The following PPM1H variants were observed in gnomAD, a reference collection of about 807,000 sequenced individuals.
PPM1H encodes protein phosphatase 1H.
Under a neutral mutation model 54.9 loss-of-function variants are expected in PPM1H, and 27 were observed. That is an observed-to-expected ratio of 0.49 (90% CI 0.36 to 0.68). The LOEUF (loss-of-function observed/expected upper bound fraction) is 0.68, where lower values mean the gene tolerates loss of function less well. Among genes scored for constraint, PPM1H ranks in the 30% least tolerant of loss-of-function variants. The pLI, the probability that PPM1H is intolerant of heterozygous loss-of-function variation, is 0.00. For synonymous variants in PPM1H, 305 were observed against 270.8 expected, an observed-to-expected ratio of 1.13 and a Z score of -1.24; for missense variants, 596 against 667.8, an observed-to-expected ratio of 0.89 and a Z score of 1.19.
chr12:62,720,006 C>T (rs1339885726), intron 6 of PPM1H, among the ~76,000 whole-genome samples, 165 bp downstream of exon 6: 1 of 152,190 alleles, frequency 6.6e-6, no homozygotes, highest in African/African-American at 2.4e-5. Flanking sequence ...GTGATTTGGT[C>T]CTAAGCAAAC....
intron 3 of PPM1H, among the ~76,000 whole-genome samples, chr12:62,791,242 C>T (rs959481525): frequency 6.6e-6 from 1 of 152,056 alleles, no homozygotes; most frequent in Non-Finnish European, 1.5e-5. Context: ...GAATGGTTAT[C>T]AGAACCTACA....
rs535327064 is a variant in PPM1H at position 62,856,424 on chromosome 12, C to T, written c.246-24145G>A. ...TCACTATCTTTTGTTGCCTGATGCC[C>T]AGTGTCCCACAAACCATTGTTTCAT... On this transcript the variant is annotated intron_variant, in intron 1 of 9. Coordinates refer to ENST00000228705, the MANE Select transcript of PPM1H (RefSeq NM_020700.2). Among the ~76,000 whole-genome samples the T allele has an allele frequency of 1.5e-4, 23 of 152,282 alleles. No individual in the cohort carries two copies. In the Middle Eastern group the frequency reaches 0.017, roughly 113 times the overall value.
chr12:62,896,778 C>T (rs187808523), intron 1 of PPM1H, among the ~76,000 whole-genome samples: 133 of 152,270 alleles, frequency 8.7e-4, no homozygotes, highest in Middle Eastern at 3.4e-3. Flanking sequence ...ATAAATCATG[C>T]TGCTATAAAG....
At chr12:62,910,722 C>T (rs1235960770) in intron 1 of PPM1H, among the ~76,000 whole-genome samples, 1 of 152,150 alleles carries the variant, frequency 6.6e-6, no homozygotes, top group Non-Finnish European at 1.5e-5. Flanking sequence ...AAAACGGTCA[C>T]CACCTCCTGC....
At chr12:62,704,180 T>G (rs2076160409) in intron 6 of PPM1H, among the ~76,000 whole-genome samples, 1 of 152,086 alleles carries the variant, frequency 6.6e-6, no homozygotes, top group Non-Finnish European at 1.5e-5. Flanking sequence ...GGAGAGTGAA[T>G]CTGAGGCATG....
chr12:62,686,046 C>T (rs1334238012), intron 8 of PPM1H, among the ~76,000 whole-genome samples: 1 of 152,210 alleles, frequency 6.6e-6, no homozygotes, highest in Non-Finnish European at 1.5e-5. Context: ...CAGTTTCATT[C>T]TAAATCCTCT....
chr12:62,910,562 T>C (rs1035515237), intron 1 of PPM1H, among the ~76,000 whole-genome samples: 1 of 152,242 alleles, frequency 6.6e-6, no homozygotes, highest in Non-Finnish European at 1.5e-5. Flanking sequence ...AGAAATCTGA[T>C]GCCTGTGATG....
chr12:62,920,355 C>T (rs1399850051), intron 1 of PPM1H, among the ~76,000 whole-genome samples: 3 of 152,232 alleles, frequency 2.0e-5, no homozygotes, highest in Admixed American at 6.5e-5. Flanking sequence ...GAGACAGGGT[C>T]TCACTCTGTC....
intron 4 of PPM1H, among the ~76,000 whole-genome samples, chr12:62,739,018 T>G (rs2076366613): frequency 2.0e-5 from 3 of 150,508 alleles, no homozygotes; most frequent in Non-Finnish European, 4.4e-5. Flanking sequence ...GGGCAGCGCA[T>G]CCAGGAAGGG....
chr12:62,680,325 CTCTT>C (rs897922547), intron 8 of PPM1H, among the ~76,000 whole-genome samples: 6 of 146,502 alleles, frequency 4.1e-5, no homozygotes, highest in Non-Finnish European at 4.5e-5. Context: ...TTCTCTCTCT[CTCTT>C]TCTTTCTGTT....
In PPM1H at chr12:62,744,276, G is replaced by C. The variant is rs556463693; in HGVS notation, c.870-6690C>G. Among the ~76,000 whole-genome samples, 586 of 151,936 alleles carry C rather than the reference G, an allele frequency of 3.9e-3. 3 individuals carry two copies. The highest frequency in any genetic ancestry group is 6.0e-3 in the Non-Finnish European group (410 of 67,968). ...ACTTGAGGTCAGGAGTTCAAGACCAGCCTGGCCAACATGGTGAAAACCTGT... is the reference window on the plus strand; with the variant it reads ...ACTTGAGGTCAGGAGTTCAAGACCACCCTGGCCAACATGGTGAAAACCTGT... On this transcript the variant is annotated intron_variant, in intron 4 of 9. Transcript: ENST00000228705.
intron 6 of PPM1H, among the ~76,000 whole-genome samples, chr12:62,710,188 C>T (rs1272136481): frequency 6.6e-6 from 1 of 152,164 alleles, no homozygotes; most frequent in Non-Finnish European, 1.5e-5. Context: ...GGGCTTGACC[C>T]TCCCAGCTTC....
At chr12:62,664,222 T>C (rs1035313544) in intron 9 of PPM1H, among the ~76,000 whole-genome samples, 3 of 152,190 alleles carry the variant, frequency 2.0e-5, no homozygotes, top group African/African-American at 7.2e-5. Flanking sequence ...AGAGGGATAA[T>C]AGTCATTTCT....
At chr12:62,666,538 C>T (rs2075918210) in intron 9 of PPM1H, among the ~76,000 whole-genome samples, 1 of 152,142 alleles carries the variant, frequency 6.6e-6, no homozygotes, top group Non-Finnish European at 1.5e-5. Flanking sequence ...GGTGCATTTG[C>T]CATCACTCTC....
intron 8 of PPM1H, among the ~76,000 whole-genome samples, chr12:62,686,804 G>C (rs2076054890): frequency 6.6e-6 from 1 of 152,176 alleles, no homozygotes; most frequent in African/African-American, 2.4e-5. Context: ...ATTTACTAGA[G>C]TTTTCTCTTT....
chr12:62,860,839 A>C (rs969316591), intron 1 of PPM1H, among the ~76,000 whole-genome samples: 5 of 152,218 alleles, frequency 3.3e-5, no homozygotes, highest in Non-Finnish European at 7.3e-5. Flanking sequence ...CCACAGAAAC[A>C]ATGGGGTTGT....
intron 9 of PPM1H, among the ~76,000 whole-genome samples, chr12:62,656,232 C>T (rs571337118): frequency 2.6e-5 from 4 of 152,264 alleles, no homozygotes; most frequent in Non-Finnish European, 1.5e-5. Flanking sequence ...CCTGGCTTTC[C>T]CACCATCCAG....
rs141289832 is a variant in PPM1H at position 62,926,317 on chromosome 12, T to G, written c.245+8175A>C. ...GTTCTATAAGACAGTTGGTATCTAA[T>G]CACCATTTCCTTCCCCCCACCACCC... On this transcript the variant is annotated intron_variant, in intron 1 of 9. Coordinates refer to ENST00000228705, the MANE Select transcript of PPM1H (RefSeq NM_020700.2). Among the ~76,000 whole-genome samples the G allele has an allele frequency of 6.3e-4, 96 of 152,270 alleles. 4 individuals are homozygous for G. The East Asian group carries it at 0.011, about 17-fold the overall frequency.
chr12:62,686,620 G>A (rs2076053575), intron 8 of PPM1H, among the ~76,000 whole-genome samples: 1 of 152,144 alleles, frequency 6.6e-6, no homozygotes, highest in African/African-American at 2.4e-5. Context: ...CAGCTTCTAG[G>A]GGGAACTTTG....
Sources: allele counts gnomAD v4.1 joint callset (sites outside exome capture counted in the v4.1 genomes callset), GRCh38; gene constraint gnomAD v4.1.1; transcripts MANE v1.5; gene names NCBI Gene and HGNC (gene_info 2026-07-23, HGNC 2026-07-21).